The following SLC9D1 variants were observed in gnomAD, a reference collection of about 807,000 sequenced individuals.
SLC9D1 encodes the protein solute carrier family 9 member D1.
chr13:113,522,080 T>A, the SLC9D1 span, among the ~76,000 whole-genome samples: 7 of 152,222 alleles, frequency 4.6e-5, no homozygotes, highest in Middle Eastern at 3.2e-3. Context: ...CTTGCCTTAT[T>A]GCACTGGCTG....
chr13:113,509,734 T>C, the SLC9D1 span, among the ~76,000 whole-genome samples: 1 of 152,188 alleles, frequency 6.6e-6, no homozygotes, highest in African/African-American at 2.4e-5. Flanking sequence ...TGTTTATATG[T>C]CGGTAGTTTT....
At chr13:113,536,577 C>G in the SLC9D1 span, 1 of 985,056 alleles carries the variant, frequency 1.0e-6, no homozygotes, top group Non-Finnish European at 1.2e-6. Flanking sequence ...GGACAACTTC[C>G]GTGTTGCCCT....
chr13:113,548,014 C>T, the SLC9D1 span, among the ~76,000 whole-genome samples: 1 of 105,956 alleles, frequency 9.4e-6, no homozygotes, highest in Non-Finnish European at 1.7e-5. Flanking sequence ...TGCTATTAAT[C>T]TAGTTTGGTT....
chr13:113,511,220 T>C, the SLC9D1 span, among the ~76,000 whole-genome samples: 2 of 152,216 alleles, frequency 1.3e-5, no homozygotes, highest in African/African-American at 4.8e-5. Context: ...TTTGCTCTTA[T>C]TTTGTAAAAG....
the SLC9D1 span, among the ~76,000 whole-genome samples, chr13:113,499,050 T>C: frequency 6.6e-6 from 1 of 152,232 alleles, no homozygotes; most frequent in Non-Finnish European, 1.5e-5. Context: ...TCATGAATTT[T>C]CTGGGAAAGG....
chr13:113,516,326 A>G, the SLC9D1 span, among the ~76,000 whole-genome samples: 1 of 152,134 alleles, frequency 6.6e-6, no homozygotes, highest in Non-Finnish European at 1.5e-5. Flanking sequence ...GCACTTTGGG[A>G]GGCCAAGGCA....
chr13:113,509,504 C>T, the SLC9D1 span, among the ~76,000 whole-genome samples: 7 of 150,700 alleles, frequency 4.6e-5, no homozygotes, highest in Non-Finnish European at 8.9e-5. Context: ...CGCATGTGCC[C>T]GGCTGCTCCA....
the SLC9D1 span, among the ~76,000 whole-genome samples, chr13:113,523,512 T>C: frequency 6.6e-6 from 1 of 152,216 alleles, no homozygotes; most frequent in Non-Finnish European, 1.5e-5. Context: ...TTCTGTTTCA[T>C]TGCTTATGTT....
the SLC9D1 span, among the ~76,000 whole-genome samples, chr13:113,509,815 C>T: frequency 6.6e-6 from 1 of 152,116 alleles, no homozygotes; most frequent in African/African-American, 2.4e-5. Context: ...GAGTGCACCC[C>T]GAGGCACTAT....
At chr13:113,534,351 A>G in the SLC9D1 span, 1 of 886,588 alleles carries the variant, frequency 1.1e-6, no homozygotes, top group South Asian at 1.6e-5. Context: ...AAATATTTGA[A>G]ACATTTACTA....
chr13:113,532,648 T>C, the SLC9D1 span, among the ~76,000 whole-genome samples: 1 of 151,470 alleles, frequency 6.6e-6, no homozygotes, highest in Non-Finnish European at 1.5e-5. Flanking sequence ...GGCAAAGCTG[T>C]CAGGAGTGCG....
chr13:113,537,457 C>T, the SLC9D1 span, among the ~76,000 whole-genome samples: 15 of 152,226 alleles, frequency 9.9e-5, no homozygotes, highest in Admixed American at 2.0e-4. Context: ...GCCGCGTCGC[C>T]GTGCGCACCA....
chr13:113,496,245 T>C, the SLC9D1 span, among the ~76,000 whole-genome samples: 1 of 152,214 alleles, frequency 6.6e-6, no homozygotes, highest in African/African-American at 2.4e-5. Context: ...ATCTTTTCCT[T>C]TTGCATAATA....
chr13:113,531,457 A>G, the SLC9D1 span, among the ~76,000 whole-genome samples: 6 of 152,002 alleles, frequency 3.9e-5, no homozygotes, highest in Non-Finnish European at 7.4e-5. Context: ...TGCAGGTGGC[A>G]CGGCGCCCTG....
the SLC9D1 span, chr13:113,504,277 CA>C: frequency 1.3e-5 from 2 of 152,184 alleles, no homozygotes; most frequent in African/African-American, 4.8e-5. Context: ...ACTTAATTTA[CA>C]GTGTCTGGTT....
the SLC9D1 span, chr13:113,549,680 C>G: frequency 1.0e-6 from 1 of 970,836 alleles, no homozygotes; most frequent in South Asian, 1.3e-5. Context: ...TCGTGTTATC[C>G]CGGCTTTTAC....
the SLC9D1 span, chr13:113,498,313 C>G: frequency 1.8e-4 from 269 of 1,467,168 alleles, no homozygotes; most frequent in African/African-American, 3.3e-3. Context: ...CTTAATATAT[C>G]TCACTCTTCT....
chr13:113,526,332 G>A, the SLC9D1 span, among the ~76,000 whole-genome samples: 358 of 152,284 alleles, frequency 2.4e-3, no homozygotes, highest in African/African-American at 8.3e-3. Context: ...TTACAAAAGA[G>A]TCAAAAAGTT....
the SLC9D1 span, chr13:113,498,324 T>G: frequency 6.6e-7 from 1 of 1,509,636 alleles, no homozygotes; most frequent in East Asian, 2.5e-5. Context: ...TCACTCTTCT[T>G]TTCTTACAAA....
Sources: allele counts gnomAD v4.1 joint callset (sites outside exome capture counted in the v4.1 genomes callset), GRCh38; gene constraint gnomAD v4.1.1; transcripts MANE v1.5; gene names NCBI Gene and HGNC (gene_info 2026-07-23, HGNC 2026-07-21).